The following TPO variants were observed in gnomAD, a reference collection of about 807,000 sequenced individuals.
The protein encoded by TPO is thyroid peroxidase.
A neutral mutation model predicts 96.9 loss-of-function variants in TPO; 78 were observed. The observed-to-expected ratio is 0.81, with a 90% CI of 0.67 to 0.97. The LOEUF (loss-of-function observed/expected upper bound fraction) is 0.97, where lower values mean the gene tolerates loss of function less well. TPO is among the 50% of genes least tolerant of loss of function. TPO has a pLI of 0.00. For missense variants in TPO, 1,252 were observed against 1,274.8 expected, an observed-to-expected ratio of 0.98 and a Z score of 0.27; for synonymous variants, 547 against 538.0, an observed-to-expected ratio of 1.02 and a Z score of -0.23.
intron 5 of TPO, among the ~76,000 whole-genome samples, chr2:1,450,951 T>A (rs1420641588): frequency 6.6e-6 from 1 of 152,198 alleles, no homozygotes; most frequent in Non-Finnish European, 1.5e-5. Context: ...CCATACATTT[T>A]TGCAAATTGA....
chr2:1,477,162 G>T lies in TPO; in HGVS notation c.896G>T (p.Gly299Val). The change falls in exon 8 of 17, where the codon GGG becomes GTG. Residue 299 changes from glycine (G) to valine (V), a missense_variant. Transcript: ENST00000329066. ...FYRSSAACGT[G>V]DQGALFGNLS... ...CGCTCTTCGGCCGCCTGCGGCACCGGGGACCAAGGCGCGCTCTTTGGGAAC... is the reference window on the plus strand; with the variant it reads ...CGCTCTTCGGCCGCCTGCGGCACCGTGGACCAAGGCGCGCTCTTTGGGAAC... 1 of 1,610,190 alleles carries T rather than the reference G, an allele frequency of 6.2e-7. No individual in the cohort carries two copies. The highest frequency in any genetic ancestry group is 8.5e-7 in the Non-Finnish European group (1 of 1,179,100).
chr2:1,436,250 A>C lies in TPO; in HGVS notation c.350-2A>C, dbSNP rs1322189326. ...GAATTCATGGTTTCCTATTTTTCAC[A>C]GATGCTTTATCAGAAGATCTGCTGA... On this transcript the variant is annotated splice_acceptor_variant, in intron 4 of 16. Transcript: ENST00000329066. LOFTEE classifies it high-confidence loss of function. 5 of 1,614,200 alleles carry C rather than the reference A, an allele frequency of 3.1e-6. No individual in the cohort carries two copies. The highest frequency in any genetic ancestry group is 4.2e-6 in the Non-Finnish European group (5 of 1,180,036).
rs187044168 is a variant in TPO at position 1,503,787 on chromosome 2, G to A, written c.2387-161G>A. On this transcript the variant is annotated intron_variant, in intron 13 of 16. Coordinates refer to ENST00000329066, the MANE Select transcript of TPO (RefSeq NM_001206744.2). ...TCTGCTCCTCATCACCTTTTCGGATGTGCCGGGAGCAGGGGGCGGCCGGTT... is the reference window on the plus strand; with the variant it reads ...TCTGCTCCTCATCACCTTTTCGGATATGCCGGGAGCAGGGGGCGGCCGGTT... 60 of 1,324,542 alleles carry A rather than the reference G, an allele frequency of 4.5e-5. No homozygotes were observed. The African/African-American group carries it at 6.5e-4, about 14-fold the overall frequency. The allele number at this position is 1,324,542 out of a possible 1,614,324, so 82.0% of individuals were successfully genotyped here.
chr2:1,470,708 A>G (rs1451984202), intron 7 of TPO, among the ~76,000 whole-genome samples: 3 of 152,220 alleles, frequency 2.0e-5, no homozygotes, highest in Non-Finnish European at 4.4e-5. Flanking sequence ...GATAAAGGGC[A>G]TGATTCTGAT....
chr2:1,436,800 A>G (rs1665620277), intron 5 of TPO, among the ~76,000 whole-genome samples: 1 of 152,106 alleles, frequency 6.6e-6, no homozygotes, highest in South Asian at 2.1e-4. Context: ...ACCTTAGCTG[A>G]AGCCAAAATA....
chr2:1,451,497 A>G (rs1192293670), intron 5 of TPO, among the ~76,000 whole-genome samples: 2 of 152,176 alleles, frequency 1.3e-5, no homozygotes, highest in Non-Finnish European at 2.9e-5. Flanking sequence ...AAGTGTGTAC[A>G]TATCAGATAC....
intron 11 of TPO, 134 bp from the exon 12 acceptor site, chr2:1,495,854 GC>G (rs1176370831): frequency 5.1e-6 from 5 of 976,190 alleles, no homozygotes; most frequent in Non-Finnish European, 6.2e-6. Context: ...CACCTGTGTG[GC>G]CCCGGGTGCT....
intron 10 of TPO, among the ~76,000 whole-genome samples, chr2:1,491,494 T>A (rs115504022): frequency 1.3e-5 from 2 of 152,248 alleles, no homozygotes. Flanking sequence ...CTTAAAACAG[T>A]TTGACAATGG....
At chr2:1,516,609 C>T (rs13412229) in intron 14 of TPO, among the ~76,000 whole-genome samples, 19,647 of 152,226 alleles carry the variant, frequency 0.13, 1,355 homozygotes, top group Non-Finnish European at 0.14. Context: ...CTGCAGGACG[C>T]GTCCATGCCG....
At chr2:1,539,701 T>C (rs1363230698) in intron 15 of TPO, among the ~76,000 whole-genome samples, 1 of 152,124 alleles carries the variant, frequency 6.6e-6, no homozygotes, top group Non-Finnish European at 1.5e-5. Context: ...CAGTATTGTC[T>C]AACGTTGCCG....
chr2:1,382,554 C>T (rs1661826073), intron 1 of TPO, among the ~76,000 whole-genome samples: 1 of 152,074 alleles, frequency 6.6e-6, no homozygotes, highest in African/African-American at 2.4e-5. Flanking sequence ...CAAAGCATTG[C>T]CTTTGCCACA....
In TPO at chr2:1,451,541, C is replaced by T. The variant is rs141666708; in HGVS notation, c.483-2153C>T. The stretch of plus-strand genomic sequence containing the variant: ...ATTTTCAAAGCCTGCATCCTAGTCA[C>T]GCCTGACTCTTTTGTCATGTGCCTT... On this transcript the variant is annotated intron_variant, in intron 5 of 16. Coordinates refer to ENST00000329066, the MANE Select transcript of TPO (RefSeq NM_001206744.2). 3.6e-3 allele frequency among the ~76,000 whole-genome samples: 541 copies of T among 152,262 alleles called. 8 individuals carry two copies. The highest frequency in any genetic ancestry group is 0.012 in the African/African-American group (515 of 41,548).
intron 3 of TPO, among the ~76,000 whole-genome samples, chr2:1,427,294 G>A (rs1664511993): frequency 6.6e-6 from 1 of 152,220 alleles, no homozygotes; most frequent in African/African-American, 2.4e-5. Flanking sequence ...TGACTGGAGA[G>A]TGCAGTGTGT....
intron 2 of TPO, among the ~76,000 whole-genome samples, chr2:1,421,660 AT>A (rs541497230): frequency 6.6e-6 from 1 of 152,346 alleles, no homozygotes; most frequent in African/African-American, 2.4e-5. Flanking sequence ...TAAGAGGAAA[AT>A]AAAGGAAAAT....
At chr2:1,488,655 C>T (rs868141004) in intron 10 of TPO, among the ~76,000 whole-genome samples, 4 of 152,206 alleles carry the variant, frequency 2.6e-5, no homozygotes, top group African/African-American at 9.6e-5. Context: ...GATCCCCTGA[C>T]ACCTCCTATT....
At chr2:1,393,735 C>T (rs1229466334) in intron 1 of TPO, among the ~76,000 whole-genome samples, 2 of 152,132 alleles carry the variant, frequency 1.3e-5, no homozygotes, top group Admixed American at 1.3e-4. Flanking sequence ...ATACTTTATC[C>T]AGGAAAAAAT....
chr2:1,469,408 G>A (rs367945794), intron 7 of TPO, among the ~76,000 whole-genome samples: 17 of 152,322 alleles, frequency 1.1e-4, no homozygotes, highest in African/African-American at 2.4e-4. Context: ...TTCCCTGGAC[G>A]TGATTAGTAC....
intron 3 of TPO, among the ~76,000 whole-genome samples, chr2:1,428,964 G>T (rs1663943843): frequency 6.6e-6 from 1 of 152,086 alleles, no homozygotes; most frequent in Non-Finnish European, 1.5e-5. Context: ...TGTGTTAGTT[G>T]TAAGTAGCTA....
chr2:1,471,949 G>C (rs1669462201), intron 7 of TPO, among the ~76,000 whole-genome samples: 1 of 149,820 alleles, frequency 6.7e-6, no homozygotes, highest in East Asian at 2.0e-4. Flanking sequence ...AAAGTTCATA[G>C]CACATGCCCT....
Sources: gnomAD v4.1 joint callset for allele counts (sites outside exome capture counted in the v4.1 genomes callset) on GRCh38, gnomAD v4.1.1 for gene constraint, MANE v1.5 for transcripts, NCBI Gene and HGNC (gene_info 2026-07-23, HGNC 2026-07-21) for gene names.